The following IFT122 variants were observed in gnomAD, a reference collection of about 807,000 sequenced individuals.
The protein encoded by IFT122 is intraflagellar transport protein 122 homolog.
In IFT122, 118 loss-of-function variants were observed where a neutral mutation model predicts 161.6. That is an observed-to-expected ratio of 0.73 (90% CI 0.63 to 0.85). The LOEUF (loss-of-function observed/expected upper bound fraction) is 0.85. Among genes scored for constraint, IFT122 ranks in the 40% least tolerant of loss-of-function variants. The probability of loss-of-function intolerance (pLI) is 0.00; values close to 1 mark genes in which losing one functional copy is unlikely to be tolerated. For synonymous variants in IFT122, 550 were observed against 602.4 expected, an observed-to-expected ratio of 0.91 and a Z score of 1.27; for missense variants, 1,381 against 1,579.6, an observed-to-expected ratio of 0.87 and a Z score of 2.13.
chr3:129,486,438 C>A (rs1391162780), intron 15 of IFT122, among the ~76,000 whole-genome samples: 4 of 152,204 alleles, frequency 2.6e-5, no homozygotes. Context: ...ATTACTGACT[C>A]ATAAAATAGC....
chr3:129,456,367 G>A (rs1287232041), intron 3 of IFT122: 2 of 936,712 alleles, frequency 2.1e-6, no homozygotes, highest in Non-Finnish European at 2.8e-6. Flanking sequence ...GGCCGGGTGT[G>A]GTGGCTCATG....
At chr3:129,463,519 T>A (rs2076396829) in intron 5 of IFT122, 41 bp from the exon 6 acceptor site, 1 of 1,544,326 alleles carries the variant, frequency 6.5e-7, no homozygotes, top group South Asian at 1.1e-5. Context: ...TGGGTAGTAT[T>A]CCAACCAATC....
At chr3:129,455,361 CAG>C (rs1198799408) in intron 3 of IFT122, among the ~76,000 whole-genome samples, 1 of 151,960 alleles carries the variant, frequency 6.6e-6, no homozygotes, top group Non-Finnish European at 1.5e-5. Flanking sequence ...TCAGTAGAGA[CAG>C]GGTTTCACCA....
At chr3:129,519,250 G>T in intron 28 of IFT122, 64 bp downstream of exon 28, 2 of 1,412,240 alleles carry the variant, frequency 1.4e-6, no homozygotes, top group South Asian at 1.2e-5. Flanking sequence ...TGTGCACATG[G>T]GGACCCTCAG....
At chr3:129,471,184 T>C (rs1347843729) in intron 9 of IFT122, among the ~76,000 whole-genome samples, 2 of 152,174 alleles carry the variant, frequency 1.3e-5, no homozygotes, top group African/African-American at 2.4e-5. Flanking sequence ...CCTCAAAACA[T>C]GTCATGTAAG....
chr3:129,459,232 C>A, intron 4 of IFT122: 1 of 446,782 alleles, frequency 2.2e-6, no homozygotes, highest in Admixed American at 2.4e-5. Context: ...GGTGACTGAT[C>A]AGTATTGCTC....
rs779291672 is a variant in IFT122, at chr3:129,492,195, G to T, written c.2046+1G>T. On this transcript the variant is annotated splice_donor_variant, in intron 17 of 29. Coordinates refer to ENST00000348417, the MANE Select transcript of IFT122 (RefSeq NM_052989.3). LOFTEE classifies it high-confidence loss of function. ...TTTAGAGCTCATCAGCAGCATTGAG[G>T]TAAAAGATGAAGCATTTTTCCTTCT... is the stretch of plus-strand genomic sequence containing the variant. The T allele has an allele frequency of 6.2e-7, 1 of 1,611,428 alleles. No individual in the cohort carries two copies. Among genetic ancestry groups the T allele is most frequent in the South Asian group, 1.1e-5 (1 of 91,016 alleles).
At chr3:129,451,537 A>G (rs547552996) in intron 2 of IFT122, among the ~76,000 whole-genome samples, 2 of 152,226 alleles carry the variant, frequency 1.3e-5, no homozygotes, top group Non-Finnish European at 2.9e-5. Context: ...CAGAGCTGGC[A>G]TTAAAATTTA....
intron 12 of IFT122, 87 bp from the exon 13 acceptor site, chr3:129,479,698 C>T: frequency 1.3e-6 from 2 of 1,519,416 alleles, no homozygotes; most frequent in Non-Finnish European, 9.1e-7. Flanking sequence ...GGTATTTTCT[C>T]CCCTTAGGGA....
At chr3:129,467,091 A>G in intron 8 of IFT122, 25 bp downstream of exon 8, 1 of 1,607,480 alleles carries the variant, frequency 6.2e-7, no homozygotes, top group Non-Finnish European at 8.5e-7. Flanking sequence ...GTGAGTGGGA[A>G]CCCTTCTGGT....
At chr3:129,499,324 A>C (rs2081259830) in intron 18 of IFT122, among the ~76,000 whole-genome samples, 1 of 152,212 alleles carries the variant, frequency 6.6e-6, no homozygotes, top group South Asian at 2.1e-4. Flanking sequence ...TTTGCTGGTG[A>C]CTCAGAGAGG....
chr3:129,479,892 A>G lies in IFT122; in HGVS notation c.1458A>G (p.Glu486=). ...TGATCGGTGGCCCTCCTGGAAGAGA[A>G]GGCCTCTTAGTGGGGCTGAAGAATG... is the stretch of plus-strand genomic sequence containing the variant. ...IKVIGGPPGR[E]GLLVGLKNGQ... The change falls in exon 13 of 30, where the codon GAA becomes GAG. Residue 486 remains glutamate, a synonymous_variant. Transcript: ENST00000348417. The G allele has an allele frequency of 1.2e-6, 2 of 1,613,988 alleles. No homozygotes were observed. The highest frequency in any genetic ancestry group is 1.7e-6 in the Non-Finnish European group (2 of 1,179,988).
intron 4 of IFT122, among the ~76,000 whole-genome samples, chr3:129,460,555 C>T (rs929676195): frequency 6.6e-6 from 1 of 152,080 alleles, no homozygotes; most frequent in East Asian, 1.9e-4. Context: ...CCACTGGGCT[C>T]AGCTTCCTTC....
intron 17 of IFT122, among the ~76,000 whole-genome samples, chr3:129,494,212 G>GT (rs554860543): frequency 0.044 from 6,037 of 136,716 alleles, 352 homozygotes; most frequent in African/African-American, 0.13. Flanking sequence ...TTGTTTGTTT[G>GT]TTTGTTTTTT....
intron 1 of IFT122, among the ~76,000 whole-genome samples, chr3:129,442,499 G>A (rs2073354592): frequency 6.6e-6 from 1 of 151,714 alleles, no homozygotes; most frequent in Admixed American, 6.6e-5. Flanking sequence ...GGGATGTAGG[G>A]GTTCTATAGA....
chr3:129,465,427 A>G (rs889219562), intron 7 of IFT122, among the ~76,000 whole-genome samples: 1 of 141,082 alleles, frequency 7.1e-6, no homozygotes, highest in Non-Finnish European at 1.5e-5. Flanking sequence ...TTTGCTTTCT[A>G]TGTCCATGTG....
At chr3:129,493,423 C>A (rs1450382002) in intron 17 of IFT122, among the ~76,000 whole-genome samples, 1 of 152,220 alleles carries the variant, frequency 6.6e-6, no homozygotes, top group African/African-American at 2.4e-5. Context: ...CTCTGTGCCA[C>A]ATGCGTGATT....
intron 26 of IFT122, among the ~76,000 whole-genome samples, chr3:129,516,421 A>C (rs1464358656): frequency 7.3e-6 from 1 of 137,894 alleles, no homozygotes; most frequent in African/African-American, 2.8e-5. Context: ...CTGCCCCTGC[A>C]CACACACACA....
intron 8 of IFT122, among the ~76,000 whole-genome samples, chr3:129,468,511 A>G (rs769193424): frequency 2.0e-5 from 3 of 152,060 alleles, no homozygotes; most frequent in Non-Finnish European, 4.4e-5. Flanking sequence ...CGCCGAACTA[A>G]TTTTGCATTT....
Sources: gnomAD v4.1 joint callset for allele counts (sites outside exome capture counted in the v4.1 genomes callset) on GRCh38, gnomAD v4.1.1 for gene constraint, MANE v1.5 for transcripts, NCBI Gene and HGNC (gene_info 2026-07-23, HGNC 2026-07-21) for gene names.